Variants in KDM4C observed in about 807,000 individuals in gnomAD.
The protein encoded by KDM4C is lysine demethylase 4C.
KDM4C carries 81 observed loss-of-function variants against 129.3 expected under a neutral mutation model. The ratio of observed to expected loss-of-function variants is 0.63; its 90% confidence interval spans 0.52 to 0.75. The LOEUF is 0.75. Among genes scored for constraint, KDM4C ranks in the 30% least tolerant of loss-of-function variants. KDM4C has a pLI of 0.00. For synonymous variants in KDM4C, 573 were observed against 456.1 expected (o/e 1.26, Z -3.26); for missense variants, 1,457 against 1,304.0 (o/e 1.12, Z -1.81).
chr9:7,173,033 T>C (rs1280901507), intron 21 of KDM4C, among the ~76,000 whole-genome samples: 4 of 152,266 alleles, frequency 2.6e-5, no homozygotes, highest in Non-Finnish European at 4.4e-5. Flanking sequence ...AAACACTTAC[T>C]GAACAGCAGC....
chr9:7,102,275 T>G (rs1837177574), intron 17 of KDM4C, among the ~76,000 whole-genome samples: 1 of 151,138 alleles, frequency 6.6e-6, no homozygotes, highest in Non-Finnish European at 1.5e-5. Flanking sequence ...GAAGGGCCTT[T>G]TACAAACTTG....
At chr9:7,170,179 A>G (rs1844820365) in intron 21 of KDM4C, 3 of 1,270,640 alleles carry the variant, frequency 2.4e-6, no homozygotes, top group Non-Finnish European at 3.0e-6. Flanking sequence ...GCTCTGTGTA[A>G]AACACCAGGA....
At chr9:6,760,542 TTTTATTTATTTATTTA>T (rs370646653) in intron 1 of KDM4C, among the ~76,000 whole-genome samples, 103 of 143,930 alleles carry the variant, frequency 7.2e-4, no homozygotes, top group Middle Eastern at 7.3e-3. Flanking sequence ...TGATACTCTT[TTTTATTTATTTATTTA>T]TTTATTTATT....
At chr9:6,804,931 C>G (rs985276329) in intron 2 of KDM4C, among the ~76,000 whole-genome samples, 16 of 151,922 alleles carry the variant, frequency 1.1e-4, no homozygotes, top group African/African-American at 3.1e-4. Flanking sequence ...GACAGAGTCT[C>G]ACTCTGTCAC....
chr9:6,849,683 T>C lies in KDM4C; in HGVS notation c.612T>C (p.Phe204=), dbSNP rs777110463. ...MDLYSINYLH[F]GEPKSWYAIP... ...TCTATAGCATTAATTATCTCCACTT[T>C]GGAGAGCCCAAGTCTTGGCAAGTTA... The change falls in exon 5 of 22, where the codon TTT becomes TTC. Residue 204 remains phenylalanine, a synonymous_variant. Transcript: ENST00000381309. The C allele has an allele frequency of 5.0e-6, 8 of 1,587,574 alleles. No individual in the cohort carries two copies. Among genetic ancestry groups the C allele is most frequent in the Non-Finnish European group, 6.0e-6 (7 of 1,162,196 alleles).
intron 8 of KDM4C, among the ~76,000 whole-genome samples, chr9:6,975,811 G>C (rs990247199): frequency 2.6e-5 from 4 of 152,196 alleles, no homozygotes; most frequent in African/African-American, 9.6e-5. Flanking sequence ...GGCGAGGTGG[G>C]TGGATCACCC....
Position 7,127,883 on chromosome 9 carries a change from C to T in KDM4C, c.2611-183C>T, listed in dbSNP as rs1587775585. 9 of 529,144 alleles carry T rather than the reference C, an allele frequency of 1.7e-5. No homozygotes were observed. The East Asian group carries it at 2.9e-4, about 17-fold the overall frequency. 32.8% of individuals were successfully genotyped at this position (529,144 alleles called of 1,614,324 possible). On this transcript the variant is annotated intron_variant, in intron 18 of 21. Coordinates refer to ENST00000381309, the MANE Select transcript of KDM4C (RefSeq NM_015061.6). ...TTAGTATAAACAAGTAGTGTTTATA[C>T]TATTTGTCTTCTTGCAACTTTTCTG...
chr9:6,850,761 A>T, intron 5 of KDM4C, among the ~76,000 whole-genome samples: 1 of 140,996 alleles, frequency 7.1e-6, no homozygotes, highest in African/African-American at 2.7e-5. Flanking sequence ...ATTTCTATTT[A>T]TTTATTTTTT....
intron 17 of KDM4C, among the ~76,000 whole-genome samples, chr9:7,057,313 G>A (rs1261763057): frequency 6.6e-6 from 1 of 152,210 alleles, no homozygotes; most frequent in African/African-American, 2.4e-5. Flanking sequence ...ACAGATACTA[G>A]GACTGTTTTA....
intron 4 of KDM4C, chr9:6,835,299 G>A: frequency 1.1e-6 from 1 of 907,108 alleles, no homozygotes; most frequent in South Asian, 1.3e-5. Context: ...ACTCCATTAT[G>A]AAGTGTGATG....
At chr9:7,089,050 C>T (rs553361689) in intron 17 of KDM4C, among the ~76,000 whole-genome samples, 37 of 151,504 alleles carry the variant, frequency 2.4e-4, no homozygotes, top group African/African-American at 7.8e-4. Flanking sequence ...GAAAAAAAAT[C>T]GAGATGAGTT....
Position 6,826,572 on chromosome 9 carries a change from T to G in KDM4C, c.435+11827T>G, listed in dbSNP as rs74309240. Among the ~76,000 whole-genome samples, 121 of 152,172 alleles carry G rather than the reference T, an allele frequency of 8.0e-4. No individual in the cohort carries two copies. The East Asian group carries it at 0.021, about 27-fold the overall frequency. On this transcript the variant is annotated intron_variant, in intron 4 of 21. Transcript: ENST00000381309. ...TGTTCTTCAACAAGATGATTGAAAA[T>G]TTATCTTATTTGGCCGGGCGCGGTG...
At chr9:6,980,322 C>A (rs888782466) in intron 8 of KDM4C, among the ~76,000 whole-genome samples, 1 of 152,050 alleles carries the variant, frequency 6.6e-6, no homozygotes, top group African/African-American at 2.4e-5. Context: ...AACTTCTCAC[C>A]TTTACCCCAT....
intron 8 of KDM4C, among the ~76,000 whole-genome samples, chr9:6,927,392 A>T (rs2131272323): frequency 6.6e-6 from 1 of 152,298 alleles, no homozygotes; most frequent in African/African-American, 2.4e-5. Flanking sequence ...GGCTTCCCAA[A>T]GTGCTGGGAT....
At chr9:6,899,283 C>T (rs1273632561) in intron 8 of KDM4C, among the ~76,000 whole-genome samples, 4 of 152,008 alleles carry the variant, frequency 2.6e-5, no homozygotes, top group African/African-American at 4.8e-5. Flanking sequence ...ATATCCTTAA[C>T]CAGAGAGGTG....
At chr9:6,834,626 G>A in intron 4 of KDM4C, 2 of 769,282 alleles carry the variant, frequency 2.6e-6, no homozygotes, top group South Asian at 2.7e-5. Flanking sequence ...GGGCGACGAG[G>A]CCTAGAGCAA....
intron 6 of KDM4C, among the ~76,000 whole-genome samples, chr9:6,884,605 T>G (rs1256191400): frequency 2.0e-5 from 3 of 152,192 alleles, no homozygotes; most frequent in Admixed American, 6.5e-5. Flanking sequence ...TTTTTACTAG[T>G]TTGGAAATAG....
At chr9:7,048,224 A>G (rs531754202) in intron 16 of KDM4C, among the ~76,000 whole-genome samples, 1 of 152,166 alleles carries the variant, frequency 6.6e-6, no homozygotes, top group South Asian at 2.1e-4. Context: ...ACAAAAAGAA[A>G]TAGTGTTTTC....
intron 12 of KDM4C, among the ~76,000 whole-genome samples, chr9:7,009,165 C>T (rs892161051): frequency 2.6e-5 from 4 of 152,120 alleles, no homozygotes; most frequent in Admixed American, 2.6e-4. Flanking sequence ...AATGCACAAA[C>T]AAGTTGAGAA....
Sources: gnomAD v4.1 joint callset for allele counts (sites outside exome capture counted in the v4.1 genomes callset) on GRCh38, gnomAD v4.1.1 for gene constraint, MANE v1.5 for transcripts, NCBI Gene and HGNC (gene_info 2026-07-23, HGNC 2026-07-21) for gene names.